Variants in NFATC1 observed in about 807,000 individuals in gnomAD.
The protein encoded by NFATC1 is nuclear factor of activated T cells 1, also known as nuclear factor of activated T-cells, cytoplasmic 1.
NFATC1 carries 22 observed loss-of-function variants against 76.0 expected under a neutral mutation model. That is an observed-to-expected ratio of 0.29 (90% CI 0.21 to 0.41). NFATC1 has a LOEUF of 0.41. NFATC1 is among the 10% of genes least tolerant of loss of function. NFATC1 has a pLI of 1.00. For synonymous variants in NFATC1, 704 were observed against 613.1 expected, an observed-to-expected ratio of 1.15 and a Z score of -2.19; for missense variants, 1,357 against 1,337.7, an observed-to-expected ratio of 1.01 and a Z score of -0.23.
At chr18:79,444,648 G>A (rs539531560) in intron 3 of NFATC1, among the ~76,000 whole-genome samples, 2 of 150,994 alleles carry the variant, frequency 1.3e-5, no homozygotes, top group South Asian at 2.1e-4. Flanking sequence ...CCACACCAGC[G>A]CCGCACACAC....
intron 7 of NFATC1, among the ~76,000 whole-genome samples, chr18:79,463,558 G>A (rs994789588): frequency 6.6e-6 from 1 of 151,200 alleles, no homozygotes; most frequent in Non-Finnish European, 1.5e-5. Flanking sequence ...CCCGCTGGCC[G>A]GGCGTTTGCA....
At chr18:79,455,573 A>G (rs942170937) in intron 6 of NFATC1, among the ~76,000 whole-genome samples, 2 of 152,108 alleles carry the variant, frequency 1.3e-5, no homozygotes, top group East Asian at 3.9e-4. Context: ...CCTGGTTCGC[A>G]GGGAGACACA....
intron 8 of NFATC1, among the ~76,000 whole-genome samples, chr18:79,484,475 G>A (rs189132274): frequency 2.6e-5 from 4 of 152,158 alleles, no homozygotes; most frequent in Non-Finnish European, 5.9e-5. Flanking sequence ...TAGGGCGGAC[G>A]CTTTAAACCT....
chr18:79,421,902 G>C (rs369935402), intron 2 of NFATC1: 2 of 152,298 alleles, frequency 1.3e-5, no homozygotes, highest in Non-Finnish European at 2.9e-5. Flanking sequence ...CGAGGGCCAA[G>C]GGTGCTCTGT....
intron 9 of NFATC1, among the ~76,000 whole-genome samples, chr18:79,516,354 T>C (rs116294396): frequency 0.011 from 1,680 of 152,348 alleles, 41 homozygotes; most frequent in African/African-American, 0.038. Flanking sequence ...AAATAGGTCC[T>C]GGACTTGAGA....
intron 8 of NFATC1, among the ~76,000 whole-genome samples, chr18:79,479,204 C>T (rs1461297997): frequency 6.6e-6 from 1 of 152,264 alleles, no homozygotes; most frequent in African/African-American, 2.4e-5. Context: ...AAATGAGCTG[C>T]CCTTTTTCTG....
intron 3 of NFATC1, among the ~76,000 whole-genome samples, chr18:79,436,378 G>A (rs1317538121): frequency 6.6e-6 from 1 of 152,232 alleles, no homozygotes; most frequent in Non-Finnish European, 1.5e-5. Flanking sequence ...TCTGTCCGCT[G>A]CATCTCAAAA....
At chr18:79,522,231 TA>T (rs1200649145) in intron 9 of NFATC1, among the ~76,000 whole-genome samples, 1 of 35,104 alleles carries the variant, frequency 2.8e-5, no homozygotes, top group Non-Finnish European at 5.4e-5. Flanking sequence ...TGTCTGGGTG[TA>T]GGGGGGGTGG....
intron 8 of NFATC1, among the ~76,000 whole-genome samples, chr18:79,480,065 C>T (rs139729688): frequency 4.9e-3 from 749 of 152,342 alleles, no homozygotes; most frequent in Non-Finnish European, 5.7e-3. Context: ...CTTCCAAGCA[C>T]GGTGACCACG....
chr18:79,426,789 G>A (rs988813927), intron 2 of NFATC1, among the ~76,000 whole-genome samples: 1 of 152,242 alleles, frequency 6.6e-6, no homozygotes, highest in African/African-American at 2.4e-5. Flanking sequence ...GCGGGAAGCT[G>A]GGGGGAGGCA....
At chr18:79,419,984 T>C (rs1187908618) in intron 2 of NFATC1, among the ~76,000 whole-genome samples, 1 of 152,242 alleles carries the variant, frequency 6.6e-6, no homozygotes, top group African/African-American at 2.4e-5. Flanking sequence ...CTAGAACATC[T>C]CTGGAAGCTG....
intron 9 of NFATC1, among the ~76,000 whole-genome samples, chr18:79,489,407 G>A (rs976808106): frequency 1.3e-5 from 2 of 152,242 alleles, no homozygotes; most frequent in East Asian, 1.9e-4. Context: ...CCAATGCCAC[G>A]TTCCCATTGG....
chr18:79,464,702 A>ATTTTT (rs1555911977), intron 7 of NFATC1, among the ~76,000 whole-genome samples: 4 of 69,312 alleles, frequency 5.8e-5, no homozygotes, highest in Non-Finnish European at 1.1e-4. Context: ...ATATTTATTT[A>ATTTTT]TTTATTTATT....
intron 3 of NFATC1, among the ~76,000 whole-genome samples, chr18:79,440,926 G>A (rs970406164): frequency 6.6e-6 from 1 of 152,214 alleles, no homozygotes; most frequent in Admixed American, 6.5e-5. Flanking sequence ...GGGAGTGGCG[G>A]CTGGGAGCAC....
At chr18:79,489,521 G>T (rs189527930) in intron 9 of NFATC1, among the ~76,000 whole-genome samples, 1 of 152,190 alleles carries the variant, frequency 6.6e-6, no homozygotes, top group Non-Finnish European at 1.5e-5. Flanking sequence ...GCGTGCTGCC[G>T]TCGGGACACT....
intron 9 of NFATC1, among the ~76,000 whole-genome samples, chr18:79,488,934 G>A (rs1471326739): frequency 6.6e-6 from 1 of 151,996 alleles, no homozygotes; most frequent in Non-Finnish European, 1.5e-5. Context: ...GCTTTATGGC[G>A]AGGGTAGAGT....
chr18:79,510,861 CTCT>C (rs2090230011), intron 9 of NFATC1, among the ~76,000 whole-genome samples: 1 of 22,806 alleles, frequency 4.4e-5, no homozygotes, highest in Non-Finnish European at 1.4e-4. Context: ...CCGGGGCATC[CTCT>C]GCCGGGGCAT....
chr18:79,410,372 C>G lies in NFATC1; in HGVS notation c.128-31C>G, dbSNP rs1474789420. On this transcript the variant is annotated intron_variant, in intron 1 of 9. Transcript: ENST00000427363. This position sits in a 1 kb window ranked among gnomAD's most constrained non-coding sequence, Gnocchi z 6.7. ...TTCTGCTTTGTGATGCCCAGCCCCTCATGCTCCCATCTGCTTCTTTTTCTC... is the reference window on the plus strand; with the variant it reads ...TTCTGCTTTGTGATGCCCAGCCCCTGATGCTCCCATCTGCTTCTTTTTCTC... The G allele has an allele frequency of 3.8e-6, 6 of 1,574,428 alleles. No individual in the cohort carries two copies. Among genetic ancestry groups the G allele is most frequent in the Non-Finnish European group, 5.2e-6 (6 of 1,161,390 alleles).
At chr18:79,436,583 A>G (rs1318171679) in intron 3 of NFATC1, among the ~76,000 whole-genome samples, 1 of 152,094 alleles carries the variant, frequency 6.6e-6, no homozygotes, top group Non-Finnish European at 1.5e-5. Flanking sequence ...CCCCATCCCC[A>G]TGTGTTTCGC....
Sources: gnomAD v4.1 joint callset for allele counts (sites outside exome capture counted in the v4.1 genomes callset) on GRCh38, gnomAD v4.1.1 for gene constraint, Gnocchi (gnomAD v3.1) non-coding constraint, MANE v1.5 for transcripts, NCBI Gene and HGNC (gene_info 2026-07-23, HGNC 2026-07-21) for gene names.